Variants in ZNF385D observed in about 807,000 individuals in gnomAD.
ZNF385D encodes the protein zinc finger protein 659.
ZNF385D carries 15 observed loss-of-function variants against 35.8 expected under a neutral mutation model. The ratio of observed to expected loss-of-function variants is 0.42; its 90% CI spans 0.28 to 0.64. ZNF385D has a LOEUF of 0.64. Ranked by LOEUF, ZNF385D falls within the 30% of genes least tolerant of loss-of-function variation. ZNF385D has a pLI of 0.23. For synonymous variants in ZNF385D, 212 were observed against 186.8 expected (o/e 1.13, Z -1.10); for missense variants, 474 against 494.6 (o/e 0.96, Z 0.39).
intron 2 of ZNF385D, among the ~76,000 whole-genome samples, chr3:22,298,794 CAATA>C (rs1281237121): frequency 3.3e-5 from 5 of 150,870 alleles, no homozygotes; most frequent in African/African-American, 1.2e-4. Flanking sequence ...CTCTTAGAAT[CAATA>C]AATAAATTGT....
intron 3 of ZNF385D, among the ~76,000 whole-genome samples, chr3:21,862,844 G>C (rs1697132230): frequency 6.6e-6 from 1 of 152,114 alleles, no homozygotes; most frequent in Non-Finnish European, 1.5e-5. Context: ...CTAACTTCAA[G>C]TCAAACTGAA....
At chr3:22,044,027 G>T (rs775985720) in intron 3 of ZNF385D, among the ~76,000 whole-genome samples, 32 of 152,008 alleles carry the variant, frequency 2.1e-4, no homozygotes, top group South Asian at 1.0e-3. Context: ...ATCTTTAAAG[G>T]AAGTTTTGCT....
chr3:22,132,088 G>T (rs1184180727), intron 3 of ZNF385D, among the ~76,000 whole-genome samples: 1 of 152,164 alleles, frequency 6.6e-6, no homozygotes, highest in East Asian at 1.9e-4. Flanking sequence ...TATATGCAAA[G>T]AAGTGATTAT....
At position 21,450,788 on chromosome 3, in the gene ZNF385D, A is replaced by G. The variant is rs566937690; in HGVS notation, c.440-13585T>C. The stretch of plus-strand genomic sequence containing the variant: ...TGATATGTGCATTTCTAGCACTGCA[A>G]TGCCATAATTTCAGTAGTTATTTGC... On this transcript the variant is annotated intron_variant, in intron 4 of 7. Coordinates refer to ENST00000281523, the MANE Select transcript of ZNF385D (RefSeq NM_024697.3). Among the ~76,000 whole-genome samples the G allele has an allele frequency of 1.2e-4, 18 of 152,312 alleles. No homozygotes were observed. In the South Asian group the frequency reaches 3.1e-3, roughly 26 times the overall value.
chr3:22,105,979 T>C (rs1398445385), intron 3 of ZNF385D, among the ~76,000 whole-genome samples: 1 of 152,230 alleles, frequency 6.6e-6, no homozygotes, highest in African/African-American at 2.4e-5. Flanking sequence ...TAAATAACTT[T>C]CATATTACTT....
intron 3 of ZNF385D, among the ~76,000 whole-genome samples, chr3:22,125,007 G>A (rs1703345574): frequency 6.6e-6 from 1 of 152,040 alleles, no homozygotes; most frequent in African/African-American, 2.4e-5. Context: ...CAACATCCTG[G>A]AAAGTTTCCC....
intron 3 of ZNF385D, among the ~76,000 whole-genome samples, chr3:22,134,763 G>A (rs753368956): frequency 1.6e-4 from 25 of 152,098 alleles, no homozygotes; most frequent in Non-Finnish European, 2.1e-4. Context: ...GGGCCTCCCT[G>A]TTGCTTCATA....
At chr3:22,222,911 TTAAATATTCAGTA>T (rs1698345401) in intron 2 of ZNF385D, among the ~76,000 whole-genome samples, 1 of 152,134 alleles carries the variant, frequency 6.6e-6, no homozygotes, top group African/African-American at 2.4e-5. Context: ...TAGTGCTCAT[TTAAATATTCAGTA>T]TTGATATTCA....
chr3:21,852,818 GAA>G (rs1232815811), intron 3 of ZNF385D, among the ~76,000 whole-genome samples: 1 of 151,812 alleles, frequency 6.6e-6, no homozygotes, highest in African/African-American at 2.4e-5. Context: ...TTAGGATATT[GAA>G]AAAGAGTGAG....
chr3:22,022,768 A>G (rs1697300137), intron 3 of ZNF385D, among the ~76,000 whole-genome samples: 1 of 152,192 alleles, frequency 6.6e-6, no homozygotes, highest in African/African-American at 2.4e-5. Flanking sequence ...AAGAACATAT[A>G]ACATTTAAAA....
chr3:21,832,509 A>C (rs1224756345), intron 3 of ZNF385D, among the ~76,000 whole-genome samples: 3 of 152,338 alleles, frequency 2.0e-5, no homozygotes, highest in East Asian at 1.9e-4. Flanking sequence ...ATGATTACAG[A>C]AAGTTGTACT....
chr3:21,575,703 G>A (rs1334182356), intron 2 of ZNF385D, among the ~76,000 whole-genome samples: 3 of 152,062 alleles, frequency 2.0e-5, no homozygotes, highest in African/African-American at 2.4e-5. Flanking sequence ...TCCCAGGCAT[G>A]GAAGTACAAC....
At chr3:21,582,059 C>G (rs2063683658) in intron 2 of ZNF385D, among the ~76,000 whole-genome samples, 1 of 152,084 alleles carries the variant, frequency 6.6e-6, no homozygotes, top group Non-Finnish European at 1.5e-5. Context: ...CAGTATTATC[C>G]TCATTTTACA....
At chr3:21,454,816 A>T (rs575129895) in intron 4 of ZNF385D, among the ~76,000 whole-genome samples, 1 of 152,312 alleles carries the variant, frequency 6.6e-6, no homozygotes, top group South Asian at 2.1e-4. Flanking sequence ...TTTGCAGATG[A>T]CATGATTGTA....
At chr3:22,305,529 G>A (rs879275556) in intron 2 of ZNF385D, among the ~76,000 whole-genome samples, 13 of 152,128 alleles carry the variant, frequency 8.5e-5, no homozygotes, top group Non-Finnish European at 1.8e-4. Context: ...CATCTTCCCC[G>A]TGTCTCAGGC....
intron 2 of ZNF385D, among the ~76,000 whole-genome samples, chr3:22,330,767 T>C (rs930675900): frequency 1.3e-5 from 2 of 152,222 alleles, no homozygotes; most frequent in Non-Finnish European, 2.9e-5. Flanking sequence ...GAATGAATTA[T>C]TGAATAAATG....
chr3:21,490,157 A>G (rs1705322990), intron 4 of ZNF385D, among the ~76,000 whole-genome samples: 1 of 151,698 alleles, frequency 6.6e-6, no homozygotes, highest in Non-Finnish European at 1.5e-5. Flanking sequence ...TGTATTTTTT[A>G]TATTTTTATT....
At chr3:21,455,920 G>A (rs1702778719) in intron 4 of ZNF385D, among the ~76,000 whole-genome samples, 1 of 152,150 alleles carries the variant, frequency 6.6e-6, no homozygotes, top group African/African-American at 2.4e-5. Flanking sequence ...CAAAAAGTGA[G>A]CGAAGGATAT....
intron 2 of ZNF385D, among the ~76,000 whole-genome samples, chr3:21,594,402 G>A (rs2064070533): frequency 6.6e-6 from 1 of 152,118 alleles, no homozygotes; most frequent in African/African-American, 2.4e-5. Context: ...ATGCTCCTAG[G>A]AAAGACTAGT....
Sources: gnomAD v4.1 joint callset for allele counts (sites outside exome capture counted in the v4.1 genomes callset) on GRCh38, gnomAD v4.1.1 for gene constraint, MANE v1.5 for transcripts, NCBI Gene and HGNC (gene_info 2026-07-23, HGNC 2026-07-21) for gene names.